Variants in FHIT observed in about 807,000 individuals in gnomAD.
FHIT encodes the protein bis(5'-adenosyl)-triphosphatase.
Under a neutral mutation model 17.9 loss-of-function variants are expected in FHIT, and 19 were observed. That is an observed-to-expected ratio of 1.06 (90% CI 0.74 to 1.56). The LOEUF is 1.56. Ranked by LOEUF, FHIT falls within the 40% of genes most tolerant of loss-of-function variation. FHIT has a pLI of 0.00. For missense variants in FHIT, 248 were observed against 189.2 expected, an observed-to-expected ratio of 1.31 and a Z score of -1.82; for synonymous variants, 81 against 69.7, an observed-to-expected ratio of 1.16 and a Z score of -0.81.
chr3:60,643,876 A>T (rs1485567015), intron 4 of FHIT, among the ~76,000 whole-genome samples: 1 of 152,172 alleles, frequency 6.6e-6, no homozygotes, highest in Non-Finnish European at 1.5e-5. Context: ...TATGTTCTGT[A>T]TTTGTGAGGG....
chr3:61,224,599 G>A (rs1176867336), intron 1 of FHIT, among the ~76,000 whole-genome samples: 2 of 151,962 alleles, frequency 1.3e-5, no homozygotes, highest in African/African-American at 2.4e-5. Flanking sequence ...TAATAGAGAC[G>A]GGGTTTCACC....
intron 5 of FHIT, among the ~76,000 whole-genome samples, chr3:60,164,147 T>G (rs1329473170): frequency 6.6e-6 from 1 of 152,114 alleles, no homozygotes; most frequent in African/African-American, 2.4e-5. Context: ...GAAGCTTTTT[T>G]GAATAAAAAA....
intron 3 of FHIT, among the ~76,000 whole-genome samples, chr3:60,875,759 T>C (rs1704621218): frequency 6.6e-6 from 1 of 152,130 alleles, no homozygotes; most frequent in Admixed American, 6.6e-5. Context: ...ATGATCATTA[T>C]CTCTACTTTA....
chr3:60,808,402 G>C (rs1201492343), intron 4 of FHIT, among the ~76,000 whole-genome samples: 1 of 151,970 alleles, frequency 6.6e-6, no homozygotes, highest in Non-Finnish European at 1.5e-5. Flanking sequence ...CTTTAATTTT[G>C]AGATGTGTAG....
intron 5 of FHIT, among the ~76,000 whole-genome samples, chr3:60,508,481 A>AATG (rs545674074): frequency 4.7e-4 from 72 of 152,274 alleles, no homozygotes; most frequent in African/African-American, 1.6e-3. Flanking sequence ...TGTGAGCATA[A>AATG]ATGATGTTTG....
At chr3:61,159,403 C>G (rs1051286117) in intron 2 of FHIT, among the ~76,000 whole-genome samples, 1 of 152,158 alleles carries the variant, frequency 6.6e-6, no homozygotes, top group Non-Finnish European at 1.5e-5. Flanking sequence ...CATTTCAACC[C>G]CCACCCACAC....
chr3:60,637,054 T>C (rs1232271172), intron 4 of FHIT, among the ~76,000 whole-genome samples: 1 of 151,960 alleles, frequency 6.6e-6, no homozygotes, highest in African/African-American at 2.4e-5. Context: ...GCACCAGGGA[T>C]AGAGAGAGAA....
At chr3:60,936,063 A>G (rs1317220392) in intron 3 of FHIT, among the ~76,000 whole-genome samples, 3 of 152,210 alleles carry the variant, frequency 2.0e-5, no homozygotes, top group Non-Finnish European at 4.4e-5. Context: ...ATTAATGAAC[A>G]TGAAAGTCAG....
In FHIT at chr3:61,088,843, A is replaced by AAGTATGG. The variant is rs558592628; in HGVS notation, c.-163-46745_-163-46744insCCATACT. On this transcript the variant is annotated intron_variant, in intron 2 of 9. Transcript: ENST00000492590. ...ATGCTGTTGTACCTACCAAAAAGAC[A>AAGTATGG]CCATGAAAACTGCAAGTATGGCTGC... Among the ~76,000 whole-genome samples the AAGTATGG allele has an allele frequency of 3.5e-3, 534 of 152,280 alleles. 2 individuals are homozygous for AAGTATGG. The highest frequency in any genetic ancestry group is 0.01 in the African/African-American group (416 of 41,572).
chr3:60,540,072 G>A (rs775647516), intron 4 of FHIT, among the ~76,000 whole-genome samples: 1 of 152,044 alleles, frequency 6.6e-6, no homozygotes, highest in Non-Finnish European at 1.5e-5. Flanking sequence ...GGCTGAAGGT[G>A]AAGTTGATCA....
At chr3:59,834,831 A>G (rs1463607295) in intron 8 of FHIT, among the ~76,000 whole-genome samples, 1 of 152,238 alleles carries the variant, frequency 6.6e-6, no homozygotes, top group Non-Finnish European at 1.5e-5. Flanking sequence ...AAATATATCA[A>G]TGCATAAGTC....
chr3:60,380,654 A>G (rs780201613), intron 5 of FHIT, among the ~76,000 whole-genome samples: 1 of 152,144 alleles, frequency 6.6e-6, no homozygotes, highest in Non-Finnish European at 1.5e-5. Flanking sequence ...TACACGTCCA[A>G]GTTTAGTTGT....
intron 5 of FHIT, among the ~76,000 whole-genome samples, chr3:60,317,648 T>C (rs1316932466): frequency 6.8e-6 from 1 of 147,726 alleles, no homozygotes. Flanking sequence ...TATATATATA[T>C]ATATAATATT....
intron 5 of FHIT, among the ~76,000 whole-genome samples, chr3:60,400,178 A>T (rs1701605658): frequency 6.6e-6 from 1 of 152,166 alleles, no homozygotes; most frequent in African/African-American, 2.4e-5. Context: ...AGAATGTGAC[A>T]TGAGTTGGAA....
intron 3 of FHIT, among the ~76,000 whole-genome samples, chr3:60,949,890 AAGCAAAAGAAGAC>A (rs1391380437): frequency 1.3e-5 from 2 of 152,240 alleles, no homozygotes; most frequent in African/African-American, 4.8e-5. Flanking sequence ...TTAAATTTCC[AAGCAAAAGAAGAC>A]TGTTCAAATT....
At chr3:60,132,138 C>T (rs1021571516) in intron 5 of FHIT, among the ~76,000 whole-genome samples, 1 of 152,138 alleles carries the variant, frequency 6.6e-6, no homozygotes. Context: ...CTTTCCATGT[C>T]CCCCTTATTT....
At chr3:59,771,976 C>T (rs754547473) in intron 8 of FHIT, among the ~76,000 whole-genome samples, 3 of 152,188 alleles carry the variant, frequency 2.0e-5, no homozygotes, top group Admixed American at 1.3e-4. Context: ...TTAAAGCCCA[C>T]AAAGGATACA....
intron 5 of FHIT, among the ~76,000 whole-genome samples, chr3:60,257,367 C>G (rs1206962826): frequency 2.0e-5 from 3 of 152,168 alleles, no homozygotes; most frequent in Non-Finnish European, 4.4e-5. Flanking sequence ...GTATCATCTA[C>G]TCTGTCAGTC....
chr3:60,735,104 T>C lies in FHIT; in HGVS notation c.-18+86815A>G, dbSNP rs573255691. 8.2e-4 allele frequency among the ~76,000 whole-genome samples: 125 copies of C among 152,340 alleles called. 1 individual carries two copies. The highest frequency in any genetic ancestry group is 1.1e-3 in the Non-Finnish European group (75 of 68,034). On this transcript the variant is annotated intron_variant, in intron 4 of 9. Transcript: ENST00000492590. ...AATGATCTCTCAGTACTGGAGAAAA[T>C]TATGTGGATTGGTTGATTAACCCTT... is the stretch of plus-strand genomic sequence containing the variant.
Sources: allele counts gnomAD v4.1 joint callset (sites outside exome capture counted in the v4.1 genomes callset), GRCh38; gene constraint gnomAD v4.1.1; transcripts MANE v1.5; gene names NCBI Gene and HGNC (gene_info 2026-07-23, HGNC 2026-07-21).